Variants in XNDC1N observed in about 807,000 individuals in gnomAD.
XNDC1N encodes XRCC1 N-terminal domain containing 1, N-terminal like, also known as protein XNDC1N.
the XNDC1N span, chr11:71,865,700 G>T: frequency 3.5e-6 from 1 of 289,092 alleles, no homozygotes; most frequent in Non-Finnish European, 6.7e-6. Flanking sequence ...AGAAGTTCAG[G>T]GACAGACAAT....
the XNDC1N span, among the ~76,000 whole-genome samples, chr11:71,907,284 AG>A: frequency 6.6e-6 from 1 of 152,010 alleles, no homozygotes; most frequent in Non-Finnish European, 1.5e-5. Context: ...ACATAATACG[AG>A]AAACGGAGTA....
At chr11:71,913,690 A>G in the XNDC1N span, among the ~76,000 whole-genome samples, 1 of 146,688 alleles carries the variant, frequency 6.8e-6, no homozygotes, top group African/African-American at 2.5e-5. Context: ...AAAAAAAAAG[A>G]AAAACAAAAG....
the XNDC1N span, chr11:71,917,838 G>A: frequency 1.8e-5 from 12 of 685,132 alleles, no homozygotes; most frequent in East Asian, 2.7e-5. Flanking sequence ...AAAGGAATAC[G>A]GTGGAAGGAG....
At chr11:71,917,353 A>G in the XNDC1N span, 1 of 616,616 alleles carries the variant, frequency 1.6e-6, no homozygotes, top group Non-Finnish European at 2.9e-6. Flanking sequence ...TGTTCTATAT[A>G]TTGGGCCCTA....
the XNDC1N span, chr11:71,916,183 G>A: frequency 1.5e-4 from 105 of 702,992 alleles, no homozygotes; most frequent in African/African-American, 1.4e-3. Flanking sequence ...CTGATGACGC[G>A]TGAAGGGTCG....
At chr11:71,922,292 T>TG in the XNDC1N span, among the ~76,000 whole-genome samples, 1 of 152,032 alleles carries the variant, frequency 6.6e-6, no homozygotes, top group Non-Finnish European at 1.5e-5. Context: ...CTAAGGGTTT[T>TG]TTTGTTTGTT....
At chr11:71,866,337 A>T in the XNDC1N span, among the ~76,000 whole-genome samples, 1 of 152,140 alleles carries the variant, frequency 6.6e-6, no homozygotes, top group African/African-American at 2.4e-5. Flanking sequence ...AATTACATGC[A>T]ATCTGTTGGA....
chr11:71,928,164 G>A, the XNDC1N span: 1 of 431,356 alleles, frequency 2.3e-6, no homozygotes, highest in Non-Finnish European at 4.2e-6. Flanking sequence ...GTGTGAACTG[G>A]CATGACAGCC....
the XNDC1N span, among the ~76,000 whole-genome samples, chr11:71,877,237 C>T: frequency 6.6e-6 from 1 of 152,218 alleles, no homozygotes; most frequent in South Asian, 2.1e-4. Context: ...AGAAAGAGAA[C>T]TTCCTTCTTG....
At chr11:71,907,022 CA>C in the XNDC1N span, among the ~76,000 whole-genome samples, 1 of 152,126 alleles carries the variant, frequency 6.6e-6, no homozygotes, top group African/African-American at 2.4e-5. Context: ...ACAAAAAAAT[CA>C]ACCTCCCCTT....
the XNDC1N span, among the ~76,000 whole-genome samples, chr11:71,891,176 A>G: frequency 0.2 from 30,074 of 150,976 alleles, 5,416 homozygotes; most frequent in African/African-American, 0.48. Flanking sequence ...ATACTCTTTC[A>G]CTCTGGATGT....
chr11:71,898,597 ACT>A, the XNDC1N span, among the ~76,000 whole-genome samples: 20 of 152,264 alleles, frequency 1.3e-4, no homozygotes, highest in African/African-American at 3.9e-4. Context: ...ACAGAGAAAG[ACT>A]CTGTTTCCAA....
At chr11:71,882,728 T>G in the XNDC1N span, among the ~76,000 whole-genome samples, 1 of 152,202 alleles carries the variant, frequency 6.6e-6, no homozygotes, top group African/African-American at 2.4e-5. Flanking sequence ...TTAACATGAT[T>G]CTAAAAGTTC....
chr11:71,916,175 G>A, the XNDC1N span: 1 of 702,978 alleles, frequency 1.4e-6, no homozygotes, highest in South Asian at 1.5e-5. Context: ...CCAAAGGACT[G>A]ATGACGCGTG....
chr11:71,905,682 A>T, the XNDC1N span, among the ~76,000 whole-genome samples: 4 of 151,988 alleles, frequency 2.6e-5, no homozygotes, highest in South Asian at 8.3e-4. Context: ...TAGAAGCAAT[A>T]TCTCCCTATG....
the XNDC1N span, among the ~76,000 whole-genome samples, chr11:71,873,689 A>G: frequency 1.3e-5 from 2 of 152,226 alleles, no homozygotes; most frequent in Admixed American, 6.5e-5. Context: ...CAAGAAAACT[A>G]ATACGTGTGG....
chr11:71,924,110 C>A, the XNDC1N span, among the ~76,000 whole-genome samples: 2 of 152,210 alleles, frequency 1.3e-5, no homozygotes, highest in African/African-American at 4.8e-5. Flanking sequence ...AAATGTTTGA[C>A]TAAATGTATG....
the XNDC1N span, among the ~76,000 whole-genome samples, chr11:71,899,139 C>T: frequency 1.3e-5 from 2 of 152,128 alleles, no homozygotes; most frequent in Non-Finnish European, 2.9e-5. Context: ...AGAAGGAGCT[C>T]TGTGCCTTGA....
the XNDC1N span, among the ~76,000 whole-genome samples, chr11:71,898,507 T>G: frequency 2.6e-5 from 4 of 152,194 alleles, no homozygotes; most frequent in African/African-American, 9.6e-5. Context: ...CTCGGGAGGC[T>G]GAGACACAAG....
Sources: allele counts gnomAD v4.1 joint callset (sites outside exome capture counted in the v4.1 genomes callset), GRCh38; gene constraint gnomAD v4.1.1; transcripts MANE v1.5; gene names NCBI Gene and HGNC (gene_info 2026-07-23, HGNC 2026-07-21).